DPP10: variants seen among roughly 807,000 people sequenced by gnomAD.
The protein encoded by DPP10 is inactive dipeptidyl peptidase 10.
DPP10 carries 33 observed loss-of-function variants against 120.9 expected under a neutral mutation model. The ratio of observed to expected loss-of-function variants is 0.27; its 90% CI spans 0.21 to 0.37. The LOEUF (loss-of-function observed/expected upper bound fraction) is 0.37. Ranked by LOEUF, DPP10 falls within the 10% of genes least tolerant of loss-of-function variation. DPP10 has a pLI of 1.00. For missense variants in DPP10, 816 were observed against 942.8 expected (o/e 0.87, Z 1.76); for synonymous variants, 337 against 326.1 (o/e 1.03, Z -0.36).
chr2:115,320,484 T>G (rs1004576953), intron 2 of DPP10, among the ~76,000 whole-genome samples: 24 of 152,146 alleles, frequency 1.6e-4, no homozygotes, highest in African/African-American at 5.3e-4. Flanking sequence ...TCTCTTCTCA[T>G]TTCCTCTCGA....
intron 1 of DPP10, among the ~76,000 whole-genome samples, chr2:115,104,504 T>G (rs1276913828): frequency 6.6e-6 from 1 of 152,192 alleles, no homozygotes; most frequent in Non-Finnish European, 1.5e-5. Context: ...TAGCAATCTG[T>G]CTACAGCCTC....
intron 7 of DPP10, among the ~76,000 whole-genome samples, chr2:115,716,033 C>T (rs755199218): frequency 6.6e-5 from 10 of 152,120 alleles, no homozygotes; most frequent in Non-Finnish European, 1.3e-4. Context: ...GCGGAAGCTG[C>T]CTTTTAGAAG....
intron 5 of DPP10, among the ~76,000 whole-genome samples, chr2:115,632,230 G>A (rs1292103075): frequency 1.3e-5 from 2 of 152,022 alleles, no homozygotes; most frequent in Admixed American, 1.3e-4. Flanking sequence ...AACTAGGATT[G>A]CAACCCTTGC....
At chr2:115,507,776 A>G (rs998922088) in intron 4 of DPP10, among the ~76,000 whole-genome samples, 1 of 152,184 alleles carries the variant, frequency 6.6e-6, no homozygotes, top group African/African-American at 2.4e-5. Context: ...TGTCAATTAT[A>G]TGGAGAGCAT....
chr2:115,128,099 C>A (rs1236438222), intron 1 of DPP10, among the ~76,000 whole-genome samples: 2 of 152,168 alleles, frequency 1.3e-5, no homozygotes, highest in African/African-American at 4.8e-5. Flanking sequence ...ATGCATACTT[C>A]AATCTTCATA....
At chr2:114,889,121 A>C (rs1692328295) in intron 1 of DPP10, among the ~76,000 whole-genome samples, 1 of 152,158 alleles carries the variant, frequency 6.6e-6, no homozygotes. Flanking sequence ...CCAAGGAGAG[A>C]GGCTGCAGAA....
intron 1 of DPP10, among the ~76,000 whole-genome samples, chr2:115,253,480 G>C (rs2058840892): frequency 6.6e-6 from 1 of 152,062 alleles, no homozygotes; most frequent in South Asian, 2.1e-4. Context: ...GACAAGGTGA[G>C]TCCCTTACAC....
intron 1 of DPP10, among the ~76,000 whole-genome samples, chr2:115,196,360 G>T (rs2055268123): frequency 6.6e-6 from 1 of 152,266 alleles, no homozygotes; most frequent in African/African-American, 2.4e-5. Context: ...ACTGGGTGAA[G>T]AATGCTGACA....
rs187887589 is a variant in DPP10 at position 115,451,795 on chromosome 2, T to G, written c.272-47715T>G. ...AACGCATAAAAGTGAAATACTCATG[T>G]TTTTATACAGTTAAATTTAGAATAA... On this transcript the variant is annotated intron_variant, in intron 3 of 25. Transcript: ENST00000410059. 4.6e-5 allele frequency among the ~76,000 whole-genome samples: 7 copies of G among 152,104 alleles called. No homozygotes were observed. In the East Asian group the frequency reaches 1.4e-3, roughly 29 times the overall value.
rs149405258 is a variant in DPP10 at position 115,098,992 on chromosome 2, C to T, written c.61-210247C>T. On this transcript the variant is annotated intron_variant, in intron 1 of 25. Coordinates refer to ENST00000410059, the MANE Select transcript of DPP10 (RefSeq NM_020868.6). ...GAGAACAAAGAGATGCCTCAAGAAT[C>T]ACCAGGTTTAGGCCAGGCACAGTGG... Among the ~76,000 whole-genome samples the T allele has an allele frequency of 5.9e-4, 89 of 152,032 alleles. 1 individual carries two copies. Among genetic ancestry groups the T allele is most frequent in the Middle Eastern group, 3.4e-3 (1 of 294 alleles).
At position 115,101,127 on chromosome 2, in the gene DPP10, A is replaced by T. The variant is rs185954061; in HGVS notation, c.61-208112A>T. Among the ~76,000 whole-genome samples, 26 of 152,232 alleles carry T rather than the reference A, an allele frequency of 1.7e-4. No individual in the cohort carries two copies. The East Asian group carries it at 4.5e-3, about 26-fold the overall frequency. ...GGTATGTGCTGTGGGAGGGATTTTG[A>T]TGTAATAGTGATGGATGACATGGAG... On this transcript the variant is annotated intron_variant, in intron 1 of 25. Transcript: ENST00000410059.
At chr2:115,143,746 T>A (rs1433555536) in intron 1 of DPP10, among the ~76,000 whole-genome samples, 1 of 152,150 alleles carries the variant, frequency 6.6e-6, no homozygotes, top group Non-Finnish European at 1.5e-5. Flanking sequence ...TGTGGCATCA[T>A]GGAATGAGCT....
intron 3 of DPP10, among the ~76,000 whole-genome samples, chr2:115,380,502 A>T (rs774161514): frequency 2.0e-5 from 3 of 152,088 alleles, no homozygotes; most frequent in African/African-American, 7.2e-5. Context: ...TTGACTCTTT[A>T]TCCAGTTTGC....
At chr2:114,882,732 A>G (rs966132880) in intron 1 of DPP10, among the ~76,000 whole-genome samples, 4 of 152,166 alleles carry the variant, frequency 2.6e-5, no homozygotes, top group African/African-American at 7.2e-5. Flanking sequence ...TCTAATGCCA[A>G]GACTACTGGC....
At chr2:114,909,232 G>T (rs1694190941) in intron 1 of DPP10, among the ~76,000 whole-genome samples, 1 of 151,892 alleles carries the variant, frequency 6.6e-6, no homozygotes, top group Non-Finnish European at 1.5e-5. Flanking sequence ...GTTTTCTAAT[G>T]ATTAACACAT....
intron 1 of DPP10, among the ~76,000 whole-genome samples, chr2:114,764,417 T>A (rs1177005050): frequency 6.6e-6 from 1 of 151,730 alleles, no homozygotes; most frequent in Non-Finnish European, 1.5e-5. Context: ...AATTAAAAAA[T>A]TTTAAATGTA....
At chr2:115,341,470 C>T (rs954535433) in intron 2 of DPP10, among the ~76,000 whole-genome samples, 3 of 152,092 alleles carry the variant, frequency 2.0e-5, no homozygotes, top group Middle Eastern at 3.4e-3. Flanking sequence ...TCATTGTCAC[C>T]CAAGGTCTGT....
At chr2:115,625,561 A>C (rs1380858554) in intron 5 of DPP10, among the ~76,000 whole-genome samples, 4 of 152,186 alleles carry the variant, frequency 2.6e-5, no homozygotes, top group Non-Finnish European at 1.5e-5. Context: ...TGTTGATAAA[A>C]GGATTAAGAC....
At chr2:115,508,184 A>T (rs946176666) in intron 4 of DPP10, among the ~76,000 whole-genome samples, 27 of 152,168 alleles carry the variant, frequency 1.8e-4, no homozygotes, top group Non-Finnish European at 1.0e-4. Context: ...AATAAAATTA[A>T]CAAATTTATA....
Sources: allele counts gnomAD v4.1 joint callset (sites outside exome capture counted in the v4.1 genomes callset), GRCh38; gene constraint gnomAD v4.1.1; transcripts MANE v1.5; gene names NCBI Gene and HGNC (gene_info 2026-07-23, HGNC 2026-07-21).